Variants in CABCOCO1 observed in about 807,000 individuals in gnomAD.
CABCOCO1 encodes the protein ciliary associated calcium binding coiled-coil 1, also known as ciliary-associated calcium-binding coiled-coil protein 1.
In CABCOCO1, 28 loss-of-function variants were observed where a neutral mutation model predicts 35.7. The observed-to-expected ratio is 0.78, with a 90% CI of 0.58 to 1.07. The LOEUF (loss-of-function observed/expected upper bound fraction) is 1.07. Among genes scored for constraint, CABCOCO1 ranks in the 50% least tolerant of loss-of-function variants. The probability of loss-of-function intolerance (pLI) is 0.00; values close to 1 mark genes in which losing one functional copy is unlikely to be tolerated. For missense variants in CABCOCO1, 326 were observed against 309.2 expected, an observed-to-expected ratio of 1.05 and a Z score of -0.41; for synonymous variants, 95 against 100.1, an observed-to-expected ratio of 0.95 and a Z score of 0.30.
chr10:61,761,420 C>G (rs1377840911), intron 7 of CABCOCO1, among the ~76,000 whole-genome samples: 2 of 152,084 alleles, frequency 1.3e-5, no homozygotes, highest in Admixed American at 6.6e-5. Flanking sequence ...GCCTCTCAGA[C>G]AGTTTGTTCC....
intron 5 of CABCOCO1, among the ~76,000 whole-genome samples, chr10:61,721,347 G>C (rs1232077800): frequency 6.6e-6 from 1 of 152,122 alleles, no homozygotes; most frequent in Non-Finnish European, 1.5e-5. Flanking sequence ...AGCTTCTGAA[G>C]CCCGTTTGTG....
At chr10:61,749,197 T>C (rs554161589) in intron 5 of CABCOCO1, among the ~76,000 whole-genome samples, 47 of 152,320 alleles carry the variant, frequency 3.1e-4, no homozygotes, top group Admixed American at 4.6e-4. Flanking sequence ...ATTAAAAATA[T>C]GGAAATGGAT....
chr10:61,732,664 C>A (rs141806077), intron 5 of CABCOCO1, among the ~76,000 whole-genome samples: 1 of 151,976 alleles, frequency 6.6e-6, no homozygotes, highest in South Asian at 2.1e-4. Flanking sequence ...ACTGCTCCTG[C>A]GACTTTTCAA....
intron 5 of CABCOCO1, among the ~76,000 whole-genome samples, chr10:61,730,804 C>T (rs1841285277): frequency 6.6e-6 from 1 of 151,612 alleles, no homozygotes; most frequent in African/African-American, 2.4e-5. Flanking sequence ...TTAAGAAAAA[C>T]AACATGAATT....
intron 5 of CABCOCO1, among the ~76,000 whole-genome samples, chr10:61,706,396 G>T (rs1840593341): frequency 6.6e-6 from 1 of 152,146 alleles, no homozygotes; most frequent in Non-Finnish European, 1.5e-5. Flanking sequence ...TGATATAAAT[G>T]TAAATTTTTC....
chr10:61,736,287 G>A (rs1271026670), intron 5 of CABCOCO1, among the ~76,000 whole-genome samples: 1 of 152,090 alleles, frequency 6.6e-6, no homozygotes, highest in African/African-American at 2.4e-5. Context: ...TTACATTTAA[G>A]TCTTCAATTC....
At chr10:61,698,780 C>A (rs1316118801) in intron 5 of CABCOCO1, among the ~76,000 whole-genome samples, 2 of 152,018 alleles carry the variant, frequency 1.3e-5, no homozygotes, top group Non-Finnish European at 2.9e-5. Context: ...ATTTTATTTT[C>A]TTTCTTTAAA....
intron 5 of CABCOCO1, among the ~76,000 whole-genome samples, chr10:61,746,510 T>C (rs12765263): frequency 0.016 from 2,367 of 152,286 alleles, 40 homozygotes; most frequent in East Asian, 0.046. Flanking sequence ...ATTATGAGTG[T>C]ACAGTGTCAA....
At chr10:61,722,709 G>A (rs1237486181) in intron 5 of CABCOCO1, among the ~76,000 whole-genome samples, 3 of 151,662 alleles carry the variant, frequency 2.0e-5, no homozygotes, top group African/African-American at 4.8e-5. Flanking sequence ...ATACTAGCTA[G>A]CCTAAATTTT....
intron 5 of CABCOCO1, among the ~76,000 whole-genome samples, chr10:61,698,786 TTAAACTA>T (rs1268457185): frequency 6.6e-6 from 1 of 152,158 alleles, no homozygotes; most frequent in Non-Finnish European, 1.5e-5. Context: ...TTTTCTTTCT[TTAAACTA>T]TAAAGTTATA....
At chr10:61,741,856 C>T (rs1219685042) in intron 5 of CABCOCO1, among the ~76,000 whole-genome samples, 1 of 151,954 alleles carries the variant, frequency 6.6e-6, no homozygotes, top group Non-Finnish European at 1.5e-5. Flanking sequence ...ATTTGTTGTT[C>T]TTTTATTATT....
chr10:61,691,535 G>A (rs1179076382), intron 5 of CABCOCO1, among the ~76,000 whole-genome samples: 1 of 151,980 alleles, frequency 6.6e-6, no homozygotes, highest in Non-Finnish European at 1.5e-5. Flanking sequence ...GGATACATGT[G>A]CAGAACGTGC....
chr10:61,677,836 T>TG (rs1839569834), intron 2 of CABCOCO1, among the ~76,000 whole-genome samples: 1 of 105,216 alleles, frequency 9.5e-6, no homozygotes. Flanking sequence ...TTTTTTTTTT[T>TG]GTCCTTGCAG....
At chr10:61,765,872 C>G in intron 7 of CABCOCO1, 67 bp from the exon 8 acceptor site, 2 of 1,450,532 alleles carry the variant, frequency 1.4e-6, no homozygotes, top group Non-Finnish European at 1.9e-6. Context: ...TATGTCAAAA[C>G]CACAAAGACA....
intron 5 of CABCOCO1, among the ~76,000 whole-genome samples, chr10:61,699,427 T>C (rs1840383212): frequency 2.0e-5 from 3 of 152,136 alleles, no homozygotes; most frequent in African/African-American, 7.2e-5. Context: ...CTTGAGACTG[T>C]CACCCAAGTC....
chr10:61,766,217 C>T lies in CABCOCO1; in HGVS notation c.*204C>T, dbSNP rs1449258037. On this transcript the variant is annotated 3_prime_UTR_variant, in exon 8 of 8. Coordinates refer to ENST00000648843, the MANE Select transcript of CABCOCO1 (RefSeq NM_001366906.2). ...CCCATAACAGCCTCTGAATTTATTG[C>T]ACCAAGTGTAATGAGAACATTTTGT... is the stretch of plus-strand genomic sequence containing the variant. 10 of 443,894 alleles carry T rather than the reference C, an allele frequency of 2.3e-5. No individual in the cohort carries two copies. Among genetic ancestry groups the T allele is most frequent in the African/African-American group, 3.9e-5 (2 of 51,270 alleles). The allele number at this position is 443,894 out of a possible 1,614,324, so 27.5% of individuals were successfully genotyped here.
intron 1 of CABCOCO1, among the ~76,000 whole-genome samples, chr10:61,668,450 A>G (rs1021193113): frequency 6.6e-6 from 1 of 152,006 alleles, no homozygotes; most frequent in African/African-American, 2.4e-5. Flanking sequence ...GTGTAAAACC[A>G]TCTGGGCATG....
At chr10:61,664,780 T>C (rs1383471192) in intron 1 of CABCOCO1, among the ~76,000 whole-genome samples, 1 of 152,196 alleles carries the variant, frequency 6.6e-6, no homozygotes, top group Non-Finnish European at 1.5e-5. Flanking sequence ...AGCTGTGTCA[T>C]TCATTAAAAC....
chr10:61,703,724 C>T (rs1840523911), intron 5 of CABCOCO1, among the ~76,000 whole-genome samples: 2 of 123,654 alleles, frequency 1.6e-5, no homozygotes, highest in Non-Finnish European at 4.0e-5. Flanking sequence ...CTCTCTCTCT[C>T]ACACACACAC....
Sources: gnomAD v4.1 joint callset for allele counts (sites outside exome capture counted in the v4.1 genomes callset) on GRCh38, gnomAD v4.1.1 for gene constraint, MANE v1.5 for transcripts, NCBI Gene and HGNC (gene_info 2026-07-23, HGNC 2026-07-21) for gene names.